FNIP1: variants seen among roughly 807,000 people sequenced by gnomAD.
The protein encoded by FNIP1 is folliculin-interacting protein 1.
FNIP1 carries 40 observed loss-of-function variants against 124.5 expected under a neutral mutation model. The ratio of observed to expected loss-of-function variants is 0.32; its 90% confidence interval spans 0.25 to 0.42. FNIP1 has a LOEUF of 0.42. Among genes scored for constraint, FNIP1 ranks in the 10% least tolerant of loss-of-function variants. FNIP1 has a pLI of 1.00. For synonymous variants in FNIP1, 472 were observed against 470.6 expected (o/e 1.00, Z -0.04); for missense variants, 1,176 against 1,403.7 (o/e 0.84, Z 2.59).
chr5:131,723,746 C>T (rs1769752934), intron 3 of FNIP1, among the ~76,000 whole-genome samples: 1 of 152,118 alleles, frequency 6.6e-6, no homozygotes, highest in African/African-American at 2.4e-5. Flanking sequence ...TTCTGGGATA[C>T]ATGTGCAGAA....
intron 1 of FNIP1, among the ~76,000 whole-genome samples, chr5:131,783,511 TA>T (rs1772065839): frequency 6.7e-6 from 1 of 149,970 alleles, no homozygotes; most frequent in Admixed American, 6.6e-5. Context: ...CTGGAGGATC[TA>T]AAGTTCTAAA....
intron 11 of FNIP1, among the ~76,000 whole-genome samples, chr5:131,680,098 A>C (rs1328124806): frequency 6.6e-6 from 1 of 152,230 alleles, no homozygotes; most frequent in Non-Finnish European, 1.5e-5. Context: ...GTTACTGAAC[A>C]CATGACATGT....
intron 16 of FNIP1, among the ~76,000 whole-genome samples, chr5:131,649,057 T>C (rs561447872): frequency 2.6e-5 from 4 of 152,356 alleles, no homozygotes; most frequent in East Asian, 1.9e-4. Flanking sequence ...TATCCATTCA[T>C]TTGCTGATGG....
intron 1 of FNIP1, among the ~76,000 whole-genome samples, chr5:131,761,958 T>C (rs940130442): frequency 2.0e-5 from 3 of 151,906 alleles, no homozygotes; most frequent in Non-Finnish European, 4.4e-5. Context: ...AAACAAATCC[T>C]ACAGTGAATT....
At chr5:131,647,584 C>T (rs2149501860) in intron 16 of FNIP1, among the ~76,000 whole-genome samples, 1 of 152,242 alleles carries the variant, frequency 6.6e-6, no homozygotes, top group Middle Eastern at 3.4e-3. Context: ...AGCAATTCTC[C>T]TGCCTCAGTC....
chr5:131,699,826 G>C (rs938468443), intron 10 of FNIP1, among the ~76,000 whole-genome samples: 11 of 142,294 alleles, frequency 7.7e-5, no homozygotes, highest in African/African-American at 2.8e-4. Context: ...TGAGGCATGA[G>C]AATCGCTTGA....
intron 1 of FNIP1, among the ~76,000 whole-genome samples, chr5:131,763,199 TGAG>T (rs1460965056): frequency 3.9e-5 from 6 of 152,036 alleles, no homozygotes; most frequent in African/African-American, 1.5e-4. Context: ...GGTAAATGCT[TGAG>T]GAGATAGATA....
intron 1 of FNIP1, among the ~76,000 whole-genome samples, chr5:131,747,717 G>A (rs1484124375): frequency 6.6e-6 from 1 of 152,140 alleles, no homozygotes; most frequent in African/African-American, 2.4e-5. Flanking sequence ...CTAGGGGACT[G>A]AAGAGTGAAT....
intron 1 of FNIP1, among the ~76,000 whole-genome samples, chr5:131,753,400 T>C (rs557083251): frequency 2.6e-5 from 4 of 152,290 alleles, no homozygotes; most frequent in East Asian, 1.9e-4. Context: ...TATTCCTACA[T>C]TGAAATACTA....
intron 1 of FNIP1, among the ~76,000 whole-genome samples, chr5:131,770,622 A>G (rs765716044): frequency 2.6e-5 from 4 of 152,206 alleles, no homozygotes; most frequent in Non-Finnish European, 4.4e-5. Flanking sequence ...CCAAACTTAG[A>G]TTTAAATTCC....
intron 15 of FNIP1, among the ~76,000 whole-genome samples, chr5:131,662,423 T>C (rs1767468116): frequency 6.6e-6 from 1 of 152,226 alleles, no homozygotes; most frequent in South Asian, 2.1e-4. Flanking sequence ...GAAAGATGCA[T>C]AATAATGACA....
intron 13 of FNIP1, among the ~76,000 whole-genome samples, chr5:131,673,852 A>G (rs559479489): frequency 6.6e-6 from 1 of 152,164 alleles, no homozygotes; most frequent in Admixed American, 6.5e-5. Flanking sequence ...CCTGGCCAAG[A>G]TGGTAAAACC....
intron 11 of FNIP1, among the ~76,000 whole-genome samples, chr5:131,688,323 G>T (rs1275648584): frequency 1.3e-5 from 2 of 150,608 alleles, no homozygotes; most frequent in African/African-American, 4.9e-5. Flanking sequence ...GGGAAAGTGA[G>T]GCTTCTGGCA....
intron 1 of FNIP1, chr5:131,796,428 GGGA>G (rs1418197948): frequency 9.9e-6 from 2 of 201,064 alleles, no homozygotes; most frequent in African/African-American, 4.7e-5. Context: ...ACTGGTCACG[GGGA>G]GGAGGGGAGA....
intron 2 of FNIP1, among the ~76,000 whole-genome samples, chr5:131,739,466 T>C (rs1025726442): frequency 2.6e-5 from 4 of 152,232 alleles, no homozygotes; most frequent in South Asian, 2.1e-4. Flanking sequence ...TATTTGGATG[T>C]ATTTCTGATC....
intron 1 of FNIP1, among the ~76,000 whole-genome samples, chr5:131,790,109 C>A (rs1288365592): frequency 6.6e-6 from 1 of 152,176 alleles, no homozygotes; most frequent in African/African-American, 2.4e-5. Context: ...CAAATATTTC[C>A]TCAGCATATG....
chr5:131,789,568 T>C (rs1389916438), intron 1 of FNIP1, among the ~76,000 whole-genome samples: 1 of 152,170 alleles, frequency 6.6e-6, no homozygotes, highest in East Asian at 1.9e-4. Flanking sequence ...CTATCTCACT[T>C]TTCCCCCCAA....
chr5:131,663,387 T>C (rs1767503803), intron 15 of FNIP1, among the ~76,000 whole-genome samples: 1 of 152,212 alleles, frequency 6.6e-6, no homozygotes, highest in South Asian at 2.1e-4. Context: ...TTTATATGTG[T>C]CATGTGTGTG....
chr5:131,721,337 T>G (rs866050300), intron 3 of FNIP1, among the ~76,000 whole-genome samples: 236 of 151,830 alleles, frequency 1.6e-3, no homozygotes, highest in African/African-American at 5.6e-3. Flanking sequence ...GGGGCTGGGG[T>G]GAGGGGGAAA....
Sources: gnomAD v4.1 joint callset for allele counts (sites outside exome capture counted in the v4.1 genomes callset) on GRCh38, gnomAD v4.1.1 for gene constraint, MANE v1.5 for transcripts, NCBI Gene and HGNC (gene_info 2026-07-23, HGNC 2026-07-21) for gene names.